The following KLHL3 variants were observed in gnomAD, a reference collection of about 807,000 sequenced individuals.
The protein encoded by KLHL3 is kelch like family member 3.
Under a neutral mutation model 70.5 loss-of-function variants are expected in KLHL3, and 19 were observed. The observed-to-expected ratio is 0.27, with a 90% confidence interval of 0.19 to 0.40. The LOEUF is 0.40. KLHL3 is among the 10% of genes least tolerant of loss of function. KLHL3 has a pLI of 1.00. For synonymous variants in KLHL3, 258 were observed against 290.3 expected (o/e 0.89, Z 1.13); for missense variants, 512 against 771.1 (o/e 0.66, Z 3.98).
At position 137,704,151 on chromosome 5, in the gene KLHL3, C is replaced by T. The variant is rs557889986; in HGVS notation, c.241+5599G>A. On this transcript the variant is annotated intron_variant, in intron 3 of 14. Transcript: ENST00000309755. ...CTGTAATCCCAGCACTTTGGGAGGC[C>T]GAGGCGGGTGGATCATGAGGTCAGG... is the stretch of plus-strand genomic sequence containing the variant. Among the ~76,000 whole-genome samples, 7 of 152,108 alleles carry T rather than the reference C, an allele frequency of 4.6e-5. No homozygotes were observed. The South Asian group carries it at 1.2e-3, about 27-fold the overall frequency.
intron 2 of KLHL3, among the ~76,000 whole-genome samples, chr5:137,716,838 G>A (rs1230796456): frequency 6.6e-6 from 1 of 152,150 alleles, no homozygotes; most frequent in African/African-American, 2.4e-5. Context: ...TCTTTTGAAA[G>A]GGCTGGCTTT....
chr5:137,713,808 G>A (rs187303218), intron 2 of KLHL3, among the ~76,000 whole-genome samples: 23 of 152,170 alleles, frequency 1.5e-4, no homozygotes, highest in Non-Finnish European at 2.5e-4. Flanking sequence ...TCTAGAATAT[G>A]TGAAGAACTC....
At chr5:137,711,744 C>T (rs1752795658) in intron 2 of KLHL3, among the ~76,000 whole-genome samples, 1 of 152,160 alleles carries the variant, frequency 6.6e-6, no homozygotes, top group Non-Finnish European at 1.5e-5. Flanking sequence ...GGACATATAT[C>T]ATGGGGGCCA....
intron 4 of KLHL3, among the ~76,000 whole-genome samples, chr5:137,697,864 C>T (rs765508727): frequency 1.3e-5 from 2 of 152,216 alleles, no homozygotes; most frequent in Non-Finnish European, 2.9e-5. Context: ...CTCCCCTCTA[C>T]TCATTTTATG....
In KLHL3 at chr5:137,642,464, C is replaced by T. The variant is rs558289376; in HGVS notation, c.904-2487G>A. 3.9e-5 allele frequency among the ~76,000 whole-genome samples: 6 copies of T among 152,312 alleles called. No homozygotes were observed. In the South Asian group the frequency reaches 1.2e-3, roughly 32 times the overall value. On this transcript the variant is annotated intron_variant, in intron 8 of 14. Transcript: ENST00000309755. ...CTGTGTGTTCTGCATTGTGCTGGAC[C>T]ATCAGTGTCTTGTCTTTTGCACCTC...
At position 137,637,409 on chromosome 5, in the gene KLHL3, G is replaced by T; in HGVS notation, c.1220-14C>A. 6.2e-7 allele frequency: 1 copy of T among 1,609,696 alleles called. No homozygotes were observed. Among genetic ancestry groups the T allele is most frequent in the South Asian group, 1.1e-5 (1 of 90,966 alleles). ...CCGATGCTAGGCCTGGGAGACAAGA[G>T]ACTCATGAGACTTCCGTGGCACCAG... On this transcript the variant is annotated splice_polypyrimidine_tract_variant and intron_variant, in intron 10 of 14. Transcript: ENST00000309755.
chr5:137,685,275 A>T (rs997241582), intron 5 of KLHL3, among the ~76,000 whole-genome samples: 1 of 152,260 alleles, frequency 6.6e-6, no homozygotes, highest in African/African-American at 2.4e-5. Flanking sequence ...TTTAAATAAA[A>T]AAACTGGAAA....
chr5:137,702,390 C>T (rs564054189), intron 3 of KLHL3, among the ~76,000 whole-genome samples: 1 of 152,274 alleles, frequency 6.6e-6, no homozygotes, highest in South Asian at 2.1e-4. Flanking sequence ...GTATCCCAGA[C>T]AGACAGAATA....
rs754400815 is a variant in KLHL3 at position 137,620,730 on chromosome 5, C to A, written c.*1368G>T. 6.6e-6 allele frequency: 1 copy of A among 152,214 alleles called. No homozygotes were observed. Among genetic ancestry groups the A allele is most frequent in the Non-Finnish European group, 1.5e-5 (1 of 68,036 alleles). 9.4% of individuals were successfully genotyped at this position (152,214 alleles called of 1,614,324 possible). ...AATTTTTACCTGTGAATTAGCAAAG[C>A]TCTCACCAAGCTCCCTTTTTAAAAT... On this transcript the variant is annotated 3_prime_UTR_variant, in exon 15 of 15. Coordinates refer to ENST00000309755, the MANE Select transcript of KLHL3 (RefSeq NM_017415.3).
At chr5:137,684,591 T>G (rs372183626) in intron 5 of KLHL3, among the ~76,000 whole-genome samples, 14 of 152,210 alleles carry the variant, frequency 9.2e-5, no homozygotes, top group African/African-American at 3.1e-4. Flanking sequence ...TTAATTGCTA[T>G]TTCATTAATG....
At chr5:137,644,614 T>C (rs976373212) in intron 8 of KLHL3, among the ~76,000 whole-genome samples, 2 of 152,134 alleles carry the variant, frequency 1.3e-5, no homozygotes, top group African/African-American at 2.4e-5. Context: ...TATAGAATCA[T>C]GAAGAAACAG....
At chr5:137,667,477 T>G (rs987538652) in intron 6 of KLHL3, among the ~76,000 whole-genome samples, 3 of 151,866 alleles carry the variant, frequency 2.0e-5, no homozygotes, top group Admixed American at 2.0e-4. Flanking sequence ...TGGAAAGGAG[T>G]TGGAGAAAAT....
intron 3 of KLHL3, among the ~76,000 whole-genome samples, chr5:137,702,385 CCAGA>C (rs1218888653): frequency 6.6e-6 from 1 of 151,972 alleles, no homozygotes; most frequent in Admixed American, 6.6e-5. Context: ...GAAGAGTATC[CCAGA>C]CAGACAGAAT....
chr5:137,646,567 ATC>A (rs1751051255), intron 8 of KLHL3, among the ~76,000 whole-genome samples: 1 of 152,186 alleles, frequency 6.6e-6, no homozygotes, highest in Non-Finnish European at 1.5e-5. Flanking sequence ...CATGTATCAC[ATC>A]TCTGAAATCA....
chr5:137,629,091 C>G (rs193009209), intron 12 of KLHL3: 5 of 152,346 alleles, frequency 3.3e-5, no homozygotes, highest in Admixed American at 2.0e-4. Context: ...AGGGCATTAT[C>G]AGATCACTCA....
At chr5:137,657,951 A>T (rs531863702) in intron 8 of KLHL3, among the ~76,000 whole-genome samples, 180 bp downstream of exon 8, 1 of 152,246 alleles carries the variant, frequency 6.6e-6, no homozygotes, top group South Asian at 2.1e-4. Flanking sequence ...GGAAAGGAAG[A>T]CCCCAGAAGA....
At chr5:137,702,564 G>A (rs180833548) in intron 3 of KLHL3, among the ~76,000 whole-genome samples, 1 of 152,278 alleles carries the variant, frequency 6.6e-6, no homozygotes, top group Admixed American at 6.5e-5. Context: ...AAGGAGTTTA[G>A]ACTTCATCCT....
chr5:137,669,697 G>C (rs1751703926), intron 6 of KLHL3, among the ~76,000 whole-genome samples: 1 of 152,210 alleles, frequency 6.6e-6, no homozygotes, highest in Admixed American at 6.5e-5. Flanking sequence ...GATGGAGAAT[G>C]TCTGCCAGTC....
rs1034295918 is a variant in KLHL3 at position 137,621,344 on chromosome 5, A to T, written c.*754T>A. The T allele has an allele frequency of 6.6e-6, 1 of 152,636 alleles. No individual in the cohort carries two copies. Among genetic ancestry groups the T allele is most frequent in the Non-Finnish European group, 1.5e-5 (1 of 68,060 alleles). 9.5% of individuals were successfully genotyped at this position (152,636 alleles called of 1,614,324 possible). A position where few individuals can be genotyped will look rare whatever the true frequency, so the allele number is the denominator to read the frequency against. ...CCAGGCCTGGAATCTATGACATCAA[A>T]GACCAATGGCCTAAACCTGAAGACT... On this transcript the variant is annotated 3_prime_UTR_variant, in exon 15 of 15. Coordinates refer to ENST00000309755, the MANE Select transcript of KLHL3 (RefSeq NM_017415.3).
Sources: gnomAD v4.1 joint callset for allele counts (sites outside exome capture counted in the v4.1 genomes callset) on GRCh38, gnomAD v4.1.1 for gene constraint, MANE v1.5 for transcripts, NCBI Gene and HGNC (gene_info 2026-07-23, HGNC 2026-07-21) for gene names.